Variants in SMC2 observed in about 807,000 individuals in gnomAD.
SMC2 encodes the protein structural maintenance of chromosomes 2, also known as structural maintenance of chromosomes protein 2.
A neutral mutation model predicts 142.6 loss-of-function variants in SMC2; 41 were observed. That is an observed-to-expected ratio of 0.29 (90% CI 0.22 to 0.37). SMC2 has a LOEUF of 0.37. SMC2 is among the 10% of genes least tolerant of loss of function. The pLI is 1.00. For missense variants in SMC2, 1,265 were observed against 1,373.7 expected (o/e 0.92, Z 1.25); for synonymous variants, 463 against 457.5 (o/e 1.01, Z -0.15).
At chr9:104,089,831 A>G (rs1053869811), upstream of SMC2, among the ~76,000 whole-genome samples, 5 of 152,040 alleles carry the variant, frequency 3.3e-5, no homozygotes, top group African/African-American at 1.2e-4. Flanking sequence ...GTATTTTAGT[A>G]GACGGGGTTT....
At chr9:104,136,247 T>A (rs901234418) in intron 23 of SMC2, among the ~76,000 whole-genome samples, 2 of 152,126 alleles carry the variant, frequency 1.3e-5, no homozygotes, top group Non-Finnish European at 2.9e-5. Context: ...ATGTAACCCT[T>A]TTTTATGTAC....
chr9:104,129,502 CAA>C (rs60804779), intron 20 of SMC2, 141 bp from the exon 21 acceptor site: 7,034 of 531,522 alleles, frequency 0.013, no homozygotes, highest in South Asian at 0.017. Context: ...AACTCCATCT[CAA>C]AAAAAAAAAA....
At chr9:104,106,401 T>G (rs1048245926) in intron 9 of SMC2, among the ~76,000 whole-genome samples, 1 of 152,178 alleles carries the variant, frequency 6.6e-6, no homozygotes, top group Admixed American at 6.5e-5. Context: ...TTTATTTATT[T>G]TTTTGAGACG....
rs768078302 is a variant in SMC2 at position 104,126,802 on chromosome 9, A to G, written c.2595+18A>G. ...AAAATAAGGTAGGATTTATTTATCA[A>G]ATTCGAGAAATTGAAAATGCGAATC... is the stretch of plus-strand genomic sequence containing the variant. On this transcript the variant is annotated intron_variant, in intron 19 of 24. Coordinates refer to ENST00000374793, the MANE Select transcript of SMC2 (RefSeq NM_006444.3). 1.3e-6 allele frequency: 2 copies of G among 1,578,484 alleles called. No homozygotes were observed. Among genetic ancestry groups the G allele is most frequent in the Admixed American group, 2.0e-5 (1 of 50,248 alleles).
At chr9:104,114,553 T>G in intron 12 of SMC2, 138 bp from the exon 13 acceptor site, 1 of 663,608 alleles carries the variant, frequency 1.5e-6, no homozygotes, top group Non-Finnish European at 2.5e-6. Context: ...TTTAAAATTT[T>G]TGGTTTGTTA....
At chr9:104,102,318 T>C in intron 8 of SMC2, 106 bp from the exon 9 acceptor site, 1 of 1,153,592 alleles carries the variant, frequency 8.7e-7, no homozygotes, top group East Asian at 2.5e-5. Context: ...TATAGTAAGA[T>C]AATGAAATAA....
At chr9:104,128,094 T>C (rs901485461) in intron 20 of SMC2, among the ~76,000 whole-genome samples, 4 of 152,230 alleles carry the variant, frequency 2.6e-5, no homozygotes, top group African/African-American at 9.6e-5. Flanking sequence ...ATTCACATGG[T>C]ATTAATAATT....
At chr9:104,116,159 A>G in intron 13 of SMC2, 41 bp from the exon 14 acceptor site, 1 of 1,544,162 alleles carries the variant, frequency 6.5e-7, no homozygotes, top group Non-Finnish European at 8.7e-7. Flanking sequence ...ATTTTCTGTC[A>G]TTTTTAACAT....
intron 9 of SMC2, among the ~76,000 whole-genome samples, chr9:104,107,173 A>C (rs779174976): frequency 6.6e-6 from 1 of 152,180 alleles, no homozygotes; most frequent in Non-Finnish European, 1.5e-5. Context: ...GCCTGCCCCA[A>C]TTCATTGATA....
chr9:104,136,654 CAAAG>C (rs993570874), intron 23 of SMC2, among the ~76,000 whole-genome samples: 6 of 151,058 alleles, frequency 4.0e-5, no homozygotes, highest in African/African-American at 7.3e-5. Context: ...CAGAGAAAGA[CAAAG>C]AAACATAATT....
chr9:104,124,768 A>G (rs985252562), intron 17 of SMC2, 144 bp from the exon 18 acceptor site: 2 of 579,722 alleles, frequency 3.4e-6, no homozygotes, highest in Non-Finnish European at 3.0e-6. Context: ...GTGTTTCATT[A>G]TACCATTTCT....
At chr9:104,106,565 G>C (rs1284506131) in intron 9 of SMC2, among the ~76,000 whole-genome samples, 1 of 151,986 alleles carries the variant, frequency 6.6e-6, no homozygotes, top group Non-Finnish European at 1.5e-5. Context: ...GGCTAATTTT[G>C]TATTTTTAGT....
In SMC2 at chr9:104,101,973, A is replaced by T. The variant is rs143564986; in HGVS notation, c.650A>T (p.Tyr217Phe). ...IQKLKEERSS[Y>F]LEYQKVMREI... ...TTTCTCTTTCAGGAAAGATCGTCCT[A>T]CTTGGAGTACCAAAAAGTAATGAGA... The change falls in exon 8 of 25, where the codon TAC (tyrosine) becomes TTC (phenylalanine). Residue 217 changes from tyrosine (Y) to phenylalanine (F), a missense_variant. By Grantham distance (22) the Tyr-to-Phe change is conservative (BLOSUM62 3). Transcript: ENST00000374793. 3.1e-6 allele frequency: 5 copies of T among 1,590,994 alleles called. No individual in the cohort carries two copies. Among genetic ancestry groups the T allele is most frequent in the Non-Finnish European group, 3.4e-6 (4 of 1,166,934 alleles).
intron 7 of SMC2, among the ~76,000 whole-genome samples, chr9:104,101,465 A>G (rs1358948806): frequency 6.6e-6 from 1 of 152,192 alleles, no homozygotes; most frequent in Non-Finnish European, 1.5e-5. Flanking sequence ...TAAATCTAAC[A>G]ACATGGACAG....
chr9:104,100,293 G>C lies in SMC2; in HGVS notation c.591+90G>C, dbSNP rs1457075693. ...TAAAGAGGGAAAAATTTTTTTCCTT[G>C]GTTCAGTTTTCCATAGTCATCCCTG... is the stretch of plus-strand genomic sequence containing the variant. On this transcript the variant is annotated intron_variant, in intron 6 of 24. Coordinates refer to ENST00000374793, the MANE Select transcript of SMC2 (RefSeq NM_006444.3). 3 of 1,383,612 alleles carry C rather than the reference G, an allele frequency of 2.2e-6. No homozygotes were observed. The South Asian group carries it at 3.9e-5, about 18-fold the overall frequency. 85.7% of individuals were successfully genotyped at this position (1,383,612 alleles called of 1,614,324 possible).
rs10761010 is a variant in SMC2 at position 104,096,507 on chromosome 9, G to A, written c.318+210G>A. Among the ~76,000 whole-genome samples, 87,245 of 152,114 alleles carry A rather than the reference G, an allele frequency of 0.57. 26,128 individuals are homozygous for A. Among genetic ancestry groups the A allele is most frequent in the African/African-American group, 0.69 (28,528 of 41,518 alleles). Reference sequence around the variant, plus strand: ...AGGATTGAAAGACAGCTGAAAAGTTGTTCATCCAGTATAAGCACTCAGCTA... The same window carrying A: ...AGGATTGAAAGACAGCTGAAAAGTTATTCATCCAGTATAAGCACTCAGCTA... On this transcript the variant is annotated intron_variant, in intron 3 of 24. Transcript: ENST00000374793.
chr9:104,093,548 C>T (rs1224765085), upstream of SMC2, among the ~76,000 whole-genome samples: 1 of 152,154 alleles, frequency 6.6e-6, no homozygotes, highest in South Asian at 2.1e-4. Context: ...ATATTCAGAA[C>T]TCAATAACAT....
rs531941465 is a variant in SMC2, at chr9:104,113,356, A to G, written c.1295A>G (p.Asn432Ser). The G allele has an allele frequency of 8.1e-5, 131 of 1,611,584 alleles. 2 individuals are homozygous for G. The South Asian group carries it at 1.4e-3, about 17-fold the overall frequency. Reference protein sequence around the residue: ...KLKHAQQELKNKQAEVKKMDS... With the variant: ...KLKHAQQELKSKQAEVKKMDS... ...AAGCATGCTCAACAGGAATTAAAGA[A>G]TAAACAAGCTGAAGTTAAGAAGATG... The change falls in exon 11 of 25, where the codon AAT becomes AGT. Residue 432 changes from asparagine (N) to serine (S), a missense_variant. Asn to Ser is a conservative substitution (Grantham distance 46, BLOSUM62 1). Around this residue, in one of 4 missense-constraint regions of SMC2, gnomAD observed 898 missense variants for 904.2 expected, o/e 0.99. Coordinates refer to ENST00000374793, the MANE Select transcript of SMC2 (RefSeq NM_006444.3).
At chr9:104,088,595 C>T in the SMC2 span, among the ~76,000 whole-genome samples, 1 of 152,046 alleles carries the variant, frequency 6.6e-6, no homozygotes, top group Non-Finnish European at 1.5e-5. Context: ...AACACTAATG[C>T]TTCAGGAATG....
Sources: allele counts gnomAD v4.1 joint callset (sites outside exome capture counted in the v4.1 genomes callset), GRCh38; gene constraint gnomAD v4.1.1; regional missense constraint gnomAD v4.1.1; transcripts MANE v1.5; gene names NCBI Gene and HGNC (gene_info 2026-07-23, HGNC 2026-07-21).